The following PARVB variants were observed in gnomAD, a reference collection of about 807,000 sequenced individuals.
The protein encoded by PARVB is beta-parvin.
Under a neutral mutation model 47.0 loss-of-function variants are expected in PARVB, and 46 were observed. The ratio of observed to expected loss-of-function variants is 0.98; its 90% CI spans 0.77 to 1.25. The LOEUF is 1.25. Among genes scored for constraint, PARVB ranks in the 50% most tolerant of loss-of-function variants. PARVB has a pLI of 0.00. For missense variants in PARVB, 473 were observed against 471.6 expected (o/e 1.00, Z -0.03); for synonymous variants, 196 against 196.3 (o/e 1.00, Z 0.01).
At chr22:44,003,584 C>T (rs1305425674) in intron 2 of PARVB, among the ~76,000 whole-genome samples, 2 of 152,200 alleles carry the variant, frequency 1.3e-5, no homozygotes, top group South Asian at 2.1e-4. Flanking sequence ...GAATCTGACC[C>T]TTTCTTTCCA....
intron 6 of PARVB, 86 bp downstream of exon 6, chr22:44,133,095 CT>C (rs751045113): frequency 4.7e-5 from 38 of 803,548 alleles, no homozygotes; most frequent in Middle Eastern, 3.4e-4. Context: ...CCTCCCCCTC[CT>C]TTTTTCCCCC....
chr22:44,078,794 A>C (rs2146998698), intron 1 of PARVB, among the ~76,000 whole-genome samples: 1 of 152,224 alleles, frequency 6.6e-6, no homozygotes, highest in East Asian at 1.9e-4. Flanking sequence ...GCGAGATCTC[A>C]GCTCACTGCA....
At chr22:44,162,477 A>G (rs1017006736) in intron 11 of PARVB, among the ~76,000 whole-genome samples, 2 of 151,438 alleles carry the variant, frequency 1.3e-5, no homozygotes, top group African/African-American at 4.9e-5. Flanking sequence ...GTGCACCACC[A>G]TGCCCGGCTA....
At chr22:44,165,340 C>T (rs2054143393) in intron 12 of PARVB, among the ~76,000 whole-genome samples, 1 of 152,158 alleles carries the variant, frequency 6.6e-6, no homozygotes, top group Admixed American at 6.5e-5. Context: ...GGGCTTTGTC[C>T]CCTGCATGCC....
intron 1 of PARVB, among the ~76,000 whole-genome samples, chr22:44,034,895 G>A (rs1285451044): frequency 6.6e-6 from 1 of 151,622 alleles, no homozygotes; most frequent in Non-Finnish European, 1.5e-5. Context: ...ATTATTAGTA[G>A]AGACAGAGTT....
chr22:44,059,665 G>A (rs1489675583), intron 1 of PARVB, among the ~76,000 whole-genome samples: 1 of 152,212 alleles, frequency 6.6e-6, no homozygotes, highest in Non-Finnish European at 1.5e-5. Context: ...GCCACAAAAT[G>A]TGAATGTTGG....
At chr22:44,034,270 ATG>A (rs796436727) in intron 1 of PARVB, among the ~76,000 whole-genome samples, 10 of 108,046 alleles carry the variant, frequency 9.3e-5, no homozygotes, top group Middle Eastern at 4.5e-3. Context: ...ATACATATAT[ATG>A]TTTGAGATGG....
intron 8 of PARVB, chr22:44,147,143 CAGGGAG>C: frequency 6.1e-6 from 1 of 164,758 alleles, no homozygotes; most frequent in East Asian, 1.6e-4. Context: ...GGAGTGAAGT[CAGGGAG>C]GGTGCATGTA....
intron 1 of PARVB, among the ~76,000 whole-genome samples, chr22:44,047,241 T>C (rs560162632): frequency 4.3e-4 from 65 of 152,274 alleles, no homozygotes; most frequent in African/African-American, 1.3e-3. Context: ...CAGGGGCTTC[T>C]CCTCATAGTG....
chr22:44,107,065 G>A (rs925439676), intron 3 of PARVB: 1 of 152,258 alleles, frequency 6.6e-6, no homozygotes, highest in Non-Finnish European at 1.5e-5. Flanking sequence ...AGCAGTGTAA[G>A]GGCAGTGTGG....
At chr22:44,039,823 AT>A in intron 1 of PARVB, 1 of 454,702 alleles carries the variant, frequency 2.2e-6, no homozygotes, top group East Asian at 7.0e-5. Flanking sequence ...ATTTCATTTC[AT>A]TTTTTTCAAA....
At chr22:44,021,008 C>T (rs1223662823), upstream of PARVB, among the ~76,000 whole-genome samples, 5 of 152,166 alleles carry the variant, frequency 3.3e-5, no homozygotes, top group African/African-American at 1.2e-4. Flanking sequence ...TCCTCCAACT[C>T]CTGACCTCAA....
chr22:44,140,430 A>G (rs2053528775), intron 8 of PARVB: 4 of 710,444 alleles, frequency 5.6e-6, no homozygotes, highest in Non-Finnish European at 1.0e-5. Context: ...CACTGGCTGG[A>G]ACTGTCAGGG....
intron 4 of PARVB, among the ~76,000 whole-genome samples, chr22:44,122,588 G>GAGAGAGAC (rs2053093575): frequency 8.2e-6 from 1 of 122,436 alleles, no homozygotes. Flanking sequence ...GAGAGAGAGA[G>GAGAGAGAC]AGAGAGAGAG....
At chr22:44,007,039 C>T (rs1337931273) in intron 2 of PARVB, among the ~76,000 whole-genome samples, 1 of 152,198 alleles carries the variant, frequency 6.6e-6, no homozygotes, top group Admixed American at 6.5e-5. Flanking sequence ...GCACAAAGAT[C>T]CCAGGGACCC....
intron 1 of PARVB, among the ~76,000 whole-genome samples, chr22:44,066,778 T>TTTC (rs202143083): frequency 0.013 from 1,580 of 118,274 alleles, 127 homozygotes; most frequent in African/African-American, 0.045. Flanking sequence ...CCCTTAATTA[T>TTTC]TTCTCCTCCT....
intron 1 of PARVB, among the ~76,000 whole-genome samples, chr22:44,032,547 A>G (rs2050844645): frequency 6.6e-6 from 1 of 151,924 alleles, no homozygotes; most frequent in Non-Finnish European, 1.5e-5. Flanking sequence ...CTTGCACTGG[A>G]TCTGTTGCTT....
chr22:44,137,098 C>T (rs2053455639), intron 7 of PARVB, among the ~76,000 whole-genome samples: 1 of 152,256 alleles, frequency 6.6e-6, no homozygotes, highest in African/African-American at 2.4e-5. Context: ...TGCCTCTTGA[C>T]TAAACCTGTT....
chr22:44,046,705 G>T (rs1281053768), intron 1 of PARVB, among the ~76,000 whole-genome samples: 2 of 152,268 alleles, frequency 1.3e-5, no homozygotes, highest in African/African-American at 4.8e-5. Flanking sequence ...TGGCTGGAGT[G>T]ATGTGATAAC....
Sources: gnomAD v4.1 joint callset for allele counts (sites outside exome capture counted in the v4.1 genomes callset) on GRCh38, gnomAD v4.1.1 for gene constraint, MANE v1.5 for transcripts, NCBI Gene and HGNC (gene_info 2026-07-23, HGNC 2026-07-21) for gene names.